Variants in FAH observed in about 807,000 individuals in gnomAD.
The protein encoded by FAH is fumarylacetoacetate hydrolase, also known as fumarylacetoacetase.
FAH carries 47 observed loss-of-function variants against 55.8 expected under a neutral mutation model. That is an observed-to-expected ratio of 0.84 (90% CI 0.67 to 1.07). FAH has a LOEUF of 1.07. Ranked by LOEUF, FAH falls within the 50% of genes least tolerant of loss-of-function variation. FAH has a pLI of 0.00. For synonymous variants in FAH, 199 were observed against 207.7 expected (o/e 0.96, Z 0.36); for missense variants, 495 against 545.9 (o/e 0.91, Z 0.93).
At chr15:80,169,152 G>A (rs993382766) in intron 7 of FAH, among the ~76,000 whole-genome samples, 1 of 152,180 alleles carries the variant, frequency 6.6e-6, no homozygotes, top group African/African-American at 2.4e-5. Flanking sequence ...GGAGGCTGAG[G>A]TGGATGGATC....
At chr15:80,177,483 C>T in intron 10 of FAH, 54 bp from the exon 11 acceptor site, 1 of 1,450,024 alleles carries the variant, frequency 6.9e-7, no homozygotes, top group Non-Finnish European at 9.7e-7. Context: ...TTTTTATTTT[C>T]CTCCCTGATG....
Position 80,162,268 on chromosome 15 carries a change from C to T in FAH, c.387C>T (p.Ser129=), listed in dbSNP as rs770974311. 6.2e-7 allele frequency: 1 copy of T among 1,614,072 alleles called. No individual in the cohort carries two copies. Among genetic ancestry groups the T allele is most frequent in the African/African-American group, 1.3e-5 (1 of 74,934 alleles). ...ATIGDYTDFY[S]SRQHATNVGI... is the part of the protein sequence containing the mutation. Reference sequence around the variant, plus strand: ...CAGGAGACTACACAGACTTCTATTCCTCTCGGCAGCATGCTACCAACGTCG... The same window carrying T: ...CAGGAGACTACACAGACTTCTATTCTTCTCGGCAGCATGCTACCAACGTCG... Residue 129 remains serine, a synonymous_variant, in exon 5 of 14, where the codon TCC becomes TCT. Transcript: ENST00000561421.
At chr15:80,154,669 C>G (rs2041083182) in intron 1 of FAH, among the ~76,000 whole-genome samples, 1 of 152,242 alleles carries the variant, frequency 6.6e-6, no homozygotes, top group Non-Finnish European at 1.5e-5. Flanking sequence ...TCAGCCTTTC[C>G]TAATTTGAGT....
chr15:80,176,692 AGT>A (rs1567120292), intron 10 of FAH, among the ~76,000 whole-genome samples: 1 of 151,732 alleles, frequency 6.6e-6, no homozygotes, highest in Non-Finnish European at 1.5e-5. Context: ...GCGTGCTTGG[AGT>A]ATACTTTCTA....
chr15:80,157,630 C>T (rs2142090362), intron 1 of FAH: 1 of 299,056 alleles, frequency 3.3e-6, no homozygotes, highest in Non-Finnish European at 6.6e-6. Context: ...GTGTTGGGCA[C>T]TCATGCTCCA....
At chr15:80,178,880 G>A (rs537400921) in intron 11 of FAH, among the ~76,000 whole-genome samples, 14 of 152,274 alleles carry the variant, frequency 9.2e-5, no homozygotes, top group East Asian at 3.9e-4. Context: ...GAGCCACTGC[G>A]CCCGGCCAAC....
At chr15:80,171,181 C>T (rs955087149) in intron 7 of FAH, among the ~76,000 whole-genome samples, 4 of 151,764 alleles carry the variant, frequency 2.6e-5, no homozygotes, top group Non-Finnish European at 4.4e-5. Flanking sequence ...GCCATGTTGG[C>T]GTGCTGCACC....
At chr15:80,185,130 C>A (rs2142111748) in intron 13 of FAH, among the ~76,000 whole-genome samples, 1 of 152,330 alleles carries the variant, frequency 6.6e-6, no homozygotes, top group South Asian at 2.1e-4. Flanking sequence ...CTAATCCTTA[C>A]AACCTTGAGA....
At chr15:80,186,448 A>AT (rs1259094257), downstream of FAH, 4 of 580,732 alleles carry the variant, frequency 6.9e-6, no homozygotes, top group African/African-American at 7.4e-5. Context: ...TCTCACTCTT[A>AT]TTAGTGAGGT....
At chr15:80,165,421 G>A (rs2041183421) in intron 5 of FAH, among the ~76,000 whole-genome samples, 1 of 152,068 alleles carries the variant, frequency 6.6e-6, no homozygotes, top group African/African-American at 2.4e-5. Flanking sequence ...TCAGCTACTT[G>A]GGAGGCTGAG....
chr15:80,167,553 A>G (rs371667384), intron 5 of FAH, among the ~76,000 whole-genome samples: 19 of 119,934 alleles, frequency 1.6e-4, no homozygotes, highest in Non-Finnish European at 1.6e-5. Flanking sequence ...TTTTTTTGAG[A>G]TGGAGTCTTG....
chr15:80,176,465 G>C (rs1331859163), intron 10 of FAH, among the ~76,000 whole-genome samples: 1 of 152,220 alleles, frequency 6.6e-6, no homozygotes, highest in Admixed American at 6.5e-5. Flanking sequence ...ATGGGAGCAG[G>C]ATGCTCCATG....
At chr15:80,158,022 G>A in intron 1 of FAH, 38 bp from the exon 2 acceptor site, 1 of 1,505,524 alleles carries the variant, frequency 6.6e-7, no homozygotes, top group Non-Finnish European at 9.2e-7. Flanking sequence ...CCCAGCCAGG[G>A]GCTTTTTCTG....
At chr15:80,180,367 T>C in intron 12 of FAH, 142 bp downstream of exon 12, 1 of 694,598 alleles carries the variant, frequency 1.4e-6, no homozygotes, top group Non-Finnish European at 2.6e-6. Flanking sequence ...CCTCGTAGCC[T>C]TTCTCTCTGG....
chr15:80,180,675 C>T lies in FAH; in HGVS notation c.1063-367C>T, dbSNP rs576964252. 2.6e-5 allele frequency among the ~76,000 whole-genome samples: 4 copies of T among 152,028 alleles called. No homozygotes were observed. The South Asian group carries it at 6.2e-4, about 24-fold the overall frequency. ...CACTCACTTCCTGCAGGGGGCTGGC[C>T]GAGCCCTCTTGTTCCTTGAGCTGTC... On this transcript the variant is annotated intron_variant, in intron 12 of 13. Coordinates refer to ENST00000561421, the MANE Select transcript of FAH (RefSeq NM_000137.4).
intron 3 of FAH, chr15:80,160,165 G>A: frequency 3.1e-6 from 2 of 636,886 alleles, no homozygotes; most frequent in Non-Finnish European, 5.6e-6. Flanking sequence ...ACCTCATCTG[G>A]TTTCTAGAGT....
At chr15:80,185,547 C>G (rs1202088962) in intron 13 of FAH, among the ~76,000 whole-genome samples, 1 of 152,202 alleles carries the variant, frequency 6.6e-6, no homozygotes, top group East Asian at 1.9e-4. Context: ...ATTCCTGAGA[C>G]TGGGTAATTC....
At chr15:80,185,755 C>T (rs117253654) in intron 13 of FAH, among the ~76,000 whole-genome samples, 3,708 of 152,202 alleles carry the variant, frequency 0.024, 275 homozygotes, top group East Asian at 0.24. Flanking sequence ...TGGAGGAAAC[C>T]GCTCCATGAT....
chr15:80,155,174 G>A (rs1411505303), intron 1 of FAH, among the ~76,000 whole-genome samples: 3 of 152,080 alleles, frequency 2.0e-5, no homozygotes, highest in South Asian at 2.1e-4. Flanking sequence ...TCCCCGCTGC[G>A]GCCCAGCCTT....
Sources: allele counts gnomAD v4.1 joint callset (sites outside exome capture counted in the v4.1 genomes callset), GRCh38; gene constraint gnomAD v4.1.1; transcripts MANE v1.5; gene names NCBI Gene and HGNC (gene_info 2026-07-23, HGNC 2026-07-21).